The following CHRM2 variants were observed in gnomAD, a reference collection of about 807,000 sequenced individuals.
CHRM2 encodes the protein muscarinic acetylcholine receptor M2.
Under a neutral mutation model 25.0 loss-of-function variants are expected in CHRM2, and 8 were observed. The observed-to-expected ratio is 0.32, with a 90% CI of 0.19 to 0.58. The LOEUF is 0.58. Among genes scored for constraint, CHRM2 ranks in the 20% least tolerant of loss-of-function variants. CHRM2 has a pLI of 0.88. For missense variants in CHRM2, 440 were observed against 567.1 expected (o/e 0.78, Z 2.28); for synonymous variants, 202 against 205.7 (o/e 0.98, Z 0.15).
intron 2 of CHRM2, among the ~76,000 whole-genome samples, chr7:136,958,448 C>CTTTT (rs56127104): frequency 1.9e-4 from 17 of 91,140 alleles, no homozygotes; most frequent in Non-Finnish European, 2.7e-4. Context: ...GCAGTGTCAT[C>CTTTT]TTTTTTTTTT....
At chr7:136,882,064 G>A (rs1796287103) in intron 2 of CHRM2, among the ~76,000 whole-genome samples, 1 of 152,016 alleles carries the variant, frequency 6.6e-6, no homozygotes, top group African/African-American at 2.4e-5. Context: ...AGTAAGGGAA[G>A]TCCTAAGAGG....
At chr7:136,926,574 A>G (rs1798763039) in intron 2 of CHRM2, among the ~76,000 whole-genome samples, 1 of 152,218 alleles carries the variant, frequency 6.6e-6, no homozygotes, top group Admixed American at 6.5e-5. Flanking sequence ...AAGGAGTCCT[A>G]TTATTCCATG....
intron 2 of CHRM2, among the ~76,000 whole-genome samples, chr7:136,879,067 C>T (rs1796158630): frequency 6.6e-6 from 1 of 151,888 alleles, no homozygotes; most frequent in African/African-American, 2.4e-5. Context: ...CAACTAACCT[C>T]CTGGCTTAGC....
chr7:136,943,703 C>A (rs910845136), intron 2 of CHRM2, among the ~76,000 whole-genome samples: 6 of 41,646 alleles, frequency 1.4e-4, no homozygotes, highest in Non-Finnish European at 2.7e-4. Context: ...CAGGAACTCA[C>A]AAGTTTTTCA....
intron 2 of CHRM2, among the ~76,000 whole-genome samples, chr7:136,966,201 G>A (rs1159720736): frequency 1.3e-5 from 2 of 151,018 alleles, no homozygotes; most frequent in African/African-American, 4.9e-5. Flanking sequence ...TTTTTAATTA[G>A]TGAGTTTACT....
At chr7:137,001,294 T>C (rs1804019000) in intron 3 of CHRM2, among the ~76,000 whole-genome samples, 1 of 152,150 alleles carries the variant, frequency 6.6e-6, no homozygotes, top group Non-Finnish European at 1.5e-5. Flanking sequence ...AGTCATTTGT[T>C]ATTTTAATAA....
At chr7:136,930,851 T>C (rs1378515329) in intron 2 of CHRM2, among the ~76,000 whole-genome samples, 1 of 131,830 alleles carries the variant, frequency 7.6e-6, no homozygotes. Flanking sequence ...GAGCCGAGAC[T>C]GCGCCACTGC....
rs545719749 is a variant in CHRM2 at position 136,932,850 on chromosome 7, C to T, written c.-124-59337C>T. Among the ~76,000 whole-genome samples the T allele has an allele frequency of 2.1e-3, 326 of 152,026 alleles. 3 individuals carry two copies. Among genetic ancestry groups the T allele is most frequent in the African/African-American group, 7.7e-3 (318 of 41,450 alleles). On this transcript the variant is annotated intron_variant, in intron 2 of 3. Coordinates refer to ENST00000680005, the MANE Select transcript of CHRM2 (RefSeq NM_001006630.2). ...TTCAAGACCAACCTGGCCAACATGGCGAAACCTGGTCTATACTAAAAATAC... is the reference window on the plus strand; with the variant it reads ...TTCAAGACCAACCTGGCCAACATGGTGAAACCTGGTCTATACTAAAAATAC...
chr7:137,014,912 G>A lies in CHRM2; in HGVS notation c.47G>A (p.Ser16Asn), dbSNP rs771580504. The change falls in exon 4 of 4, where the codon AGT (serine) becomes AAT (asparagine). Residue 16 changes from serine to asparagine, a missense_variant. This residue lies in a region of CHRM2 where 86 missense variants were observed against 124.9 expected (regional missense o/e 0.69). Coordinates refer to ENST00000680005, the MANE Select transcript of CHRM2 (RefSeq NM_001006630.2). ...TCTAACAATAGCCTGGCTCTTACAA[G>A]TCCTTATAAGACATTTGAAGTGGTG... ...NSSNNSLALT[S>N]PYKTFEVVFI... 4 of 1,613,124 alleles carry A rather than the reference G, an allele frequency of 2.5e-6. No homozygotes were observed. The highest frequency in any genetic ancestry group is 2.5e-6 in the Non-Finnish European group (3 of 1,179,492).
chr7:136,981,645 G>C (rs977687111), intron 2 of CHRM2, among the ~76,000 whole-genome samples: 5 of 151,736 alleles, frequency 3.3e-5, no homozygotes, highest in African/African-American at 1.2e-4. Context: ...CTGGTATGTT[G>C]TGTCTTTGTT....
rs192101742 is a variant in CHRM2 at position 136,999,264 on chromosome 7, A to G, written c.-47+7000A>G. Among the ~76,000 whole-genome samples, 260 of 152,280 alleles carry G rather than the reference A, an allele frequency of 1.7e-3. 1 individual carries two copies. The highest frequency in any genetic ancestry group is 2.9e-3 in the Non-Finnish European group (196 of 68,020). On this transcript the variant is annotated intron_variant, in intron 3 of 3. Coordinates refer to ENST00000680005, the MANE Select transcript of CHRM2 (RefSeq NM_001006630.2). ...GAGCATCAGGATAAACAGCTAATGC[A>G]CATGGGGCTTAATAACTAGGTGATG...
intron 2 of CHRM2, among the ~76,000 whole-genome samples, chr7:136,924,745 T>C (rs1343197144): frequency 6.6e-6 from 1 of 152,114 alleles, no homozygotes; most frequent in Non-Finnish European, 1.5e-5. Flanking sequence ...TCCAGCACTG[T>C]TTCATCCTTG....
At chr7:136,945,027 C>T (rs1017639540) in intron 2 of CHRM2, among the ~76,000 whole-genome samples, 1 of 151,582 alleles carries the variant, frequency 6.6e-6, no homozygotes, top group Non-Finnish European at 1.5e-5. Context: ...CCCATATGTT[C>T]GTTGGCCATT....
chr7:136,961,122 T>C (rs532766696), intron 2 of CHRM2, among the ~76,000 whole-genome samples: 1 of 147,824 alleles, frequency 6.8e-6, no homozygotes, highest in South Asian at 2.1e-4. Context: ...TAGACTTCAT[T>C]AAAAAAAAAA....
At chr7:136,926,627 G>T (rs1038569467) in intron 2 of CHRM2, among the ~76,000 whole-genome samples, 14 of 152,120 alleles carry the variant, frequency 9.2e-5, no homozygotes, top group African/African-American at 3.4e-4. Context: ...TCATGAAAAT[G>T]GTAGCATGAA....
chr7:136,922,541 T>C (rs1798507736), intron 2 of CHRM2, among the ~76,000 whole-genome samples: 1 of 152,206 alleles, frequency 6.6e-6, no homozygotes, highest in Non-Finnish European at 1.5e-5. Context: ...CTTTCCATAC[T>C]CTATGTCTAC....
At chr7:136,932,748 G>A (rs1252539966) in intron 2 of CHRM2, among the ~76,000 whole-genome samples, 1 of 152,134 alleles carries the variant, frequency 6.6e-6, no homozygotes, top group African/African-American at 2.4e-5. Context: ...TAGATTTTTA[G>A]GCTGGGTATG....
intron 3 of CHRM2, among the ~76,000 whole-genome samples, chr7:137,008,517 G>A (rs1804596948): frequency 6.6e-6 from 1 of 151,976 alleles, no homozygotes; most frequent in African/African-American, 2.4e-5. Flanking sequence ...ACATTGATAA[G>A]GCTCATTATC....
intron 2 of CHRM2, among the ~76,000 whole-genome samples, chr7:136,945,612 G>A (rs1437872099): frequency 6.6e-6 from 1 of 151,998 alleles, no homozygotes. Context: ...TTGCTGTTTT[G>A]GTGACTATAG....
Sources: allele counts gnomAD v4.1 joint callset (sites outside exome capture counted in the v4.1 genomes callset), GRCh38; gene constraint gnomAD v4.1.1; regional missense constraint gnomAD v4.1.1; transcripts MANE v1.5; gene names NCBI Gene and HGNC (gene_info 2026-07-23, HGNC 2026-07-21).